The following PRKCQ variants were observed in gnomAD, a reference collection of about 807,000 sequenced individuals.
PRKCQ encodes protein kinase C theta, also known as protein kinase C theta type.
In PRKCQ, 41 loss-of-function variants were observed where a neutral mutation model predicts 91.2. The observed-to-expected ratio is 0.45, with a 90% confidence interval of 0.35 to 0.58. The LOEUF (loss-of-function observed/expected upper bound fraction) is 0.58. PRKCQ is among the 20% of genes least tolerant of loss of function. The pLI, the probability that PRKCQ is intolerant of heterozygous loss-of-function variation, is 0.00. For missense variants in PRKCQ, 673 were observed against 896.5 expected, an observed-to-expected ratio of 0.75 and a Z score of 3.18; for synonymous variants, 307 against 316.9, an observed-to-expected ratio of 0.97 and a Z score of 0.33.
At chr10:6,466,769 A>G (rs1315827014) in intron 12 of PRKCQ, among the ~76,000 whole-genome samples, 3 of 152,222 alleles carry the variant, frequency 2.0e-5, no homozygotes, top group Non-Finnish European at 4.4e-5. Flanking sequence ...ACAGCTGACT[A>G]GAACCTCTGC....
chr10:6,540,700 A>G (rs1245955351), intron 1 of PRKCQ, among the ~76,000 whole-genome samples: 1 of 152,206 alleles, frequency 6.6e-6, no homozygotes, highest in Non-Finnish European at 1.5e-5. Flanking sequence ...CACGGAGTTT[A>G]GTGTACAAGT....
chr10:6,471,179 T>C (rs1835942598), intron 12 of PRKCQ, among the ~76,000 whole-genome samples: 1 of 152,108 alleles, frequency 6.6e-6, no homozygotes, highest in Admixed American at 6.5e-5. Flanking sequence ...GCCCAGCCCC[T>C]GAACATTATC....
chr10:6,452,180 T>C (rs1356224250), intron 15 of PRKCQ, among the ~76,000 whole-genome samples: 2 of 152,174 alleles, frequency 1.3e-5, no homozygotes, highest in Non-Finnish European at 2.9e-5. Flanking sequence ...GAAAACCCCA[T>C]TGTCTCAGCC....
intron 1 of PRKCQ, among the ~76,000 whole-genome samples, chr10:6,563,876 C>T (rs1446751085): frequency 6.6e-6 from 1 of 152,222 alleles, no homozygotes; most frequent in East Asian, 1.9e-4. Context: ...TGTGTTAGTG[C>T]TGCTGAGCTG....
intron 1 of PRKCQ, among the ~76,000 whole-genome samples, chr10:6,526,653 C>G (rs608694): frequency 0.92 from 139,217 of 152,092 alleles, 64,214 homozygotes; most frequent in Non-Finnish European, 0.97. Flanking sequence ...TCTGGGAAGG[C>G]GGATGGGCTG....
intron 1 of PRKCQ, among the ~76,000 whole-genome samples, chr10:6,563,250 T>G (rs765308190): frequency 6.6e-6 from 1 of 151,848 alleles, no homozygotes; most frequent in Non-Finnish European, 1.5e-5. Flanking sequence ...GCAACCTCAC[T>G]TTGCCCAGTG....
chr10:6,438,597 CTT>C (rs796862312), intron 16 of PRKCQ, among the ~76,000 whole-genome samples: 170 of 148,572 alleles, frequency 1.1e-3, no homozygotes, highest in African/African-American at 4.1e-3. Context: ...GTGCTAGACT[CTT>C]TTTTTTTTGC....
the PRKCQ span, among the ~76,000 whole-genome samples, chr10:6,413,954 A>T: frequency 6.6e-6 from 1 of 152,246 alleles, no homozygotes; most frequent in African/African-American, 2.4e-5. Flanking sequence ...CCAAAATCTA[A>T]CAATAAATAA....
chr10:6,468,656 C>T (rs187864608), intron 12 of PRKCQ, among the ~76,000 whole-genome samples: 91 of 152,162 alleles, frequency 6.0e-4, no homozygotes, highest in African/African-American at 1.5e-3. Flanking sequence ...CTTTTTTCTC[C>T]GAAGGCTAGT....
rs773969132 is a variant in PRKCQ at position 6,511,108 on chromosome 10, C to T, written c.205G>A (p.Val69Ile). 1 of 1,614,172 alleles carries T rather than the reference C, an allele frequency of 6.2e-7. No individual in the cohort carries two copies. The highest frequency in any genetic ancestry group is 1.1e-5 in the South Asian group (1 of 91,088). Residue 69 changes from valine to isoleucine, a missense_variant, in exon 3 of 18, where the codon GTC becomes ATC. Coordinates refer to ENST00000263125, the MANE Select transcript of PRKCQ (RefSeq NM_006257.5). ...TFDAHINKGR[V>I]MQIIVKGKNV... ...TTGCCTTTCACAATGATCTGCATGA[C>T]TCTTCCCTTGTTGATATGGGCATCA...
intron 8 of PRKCQ, among the ~76,000 whole-genome samples, chr10:6,490,485 G>C (rs1331415892): frequency 6.6e-6 from 1 of 151,334 alleles, no homozygotes; most frequent in Non-Finnish European, 1.5e-5. Context: ...TAGCACTTTT[G>C]GAGGCTGAGG....
intron 1 of PRKCQ, among the ~76,000 whole-genome samples, chr10:6,532,344 T>TA (rs1839425127): frequency 6.6e-6 from 1 of 152,376 alleles, no homozygotes; most frequent in East Asian, 1.9e-4. Context: ...AGTACTTGGT[T>TA]ATGGGATACA....
At chr10:6,451,292 C>A (rs970008589) in intron 15 of PRKCQ, among the ~76,000 whole-genome samples, 9 of 151,682 alleles carry the variant, frequency 5.9e-5, no homozygotes. Context: ...GAGAATACTA[C>A]AAACACCTCT....
At chr10:6,567,829 CT>C (rs919501449) in intron 1 of PRKCQ, among the ~76,000 whole-genome samples, 74 of 152,168 alleles carry the variant, frequency 4.9e-4, no homozygotes, top group African/African-American at 1.8e-3. Context: ...GATAAACATT[CT>C]TTTTTTTGTG....
intron 1 of PRKCQ, among the ~76,000 whole-genome samples, chr10:6,519,846 T>C (rs1262307592): frequency 6.6e-6 from 1 of 152,182 alleles, no homozygotes; most frequent in Admixed American, 6.5e-5. Flanking sequence ...TCTGAATATA[T>C]CTGACTCTAT....
the PRKCQ span, among the ~76,000 whole-genome samples, chr10:6,416,318 G>A: frequency 6.6e-6 from 1 of 151,866 alleles, no homozygotes; most frequent in Non-Finnish European, 1.5e-5. Context: ...CCCATTACCT[G>A]AGCAGTGTGC....
At chr10:6,542,814 C>T (rs973434367) in intron 1 of PRKCQ, among the ~76,000 whole-genome samples, 1 of 152,238 alleles carries the variant, frequency 6.6e-6, no homozygotes, top group African/African-American at 2.4e-5. Context: ...AAGCTACCTA[C>T]ATCCTAGCTT....
intron 11 of PRKCQ, among the ~76,000 whole-genome samples, chr10:6,482,177 T>C (rs988843963): frequency 3.3e-5 from 5 of 152,194 alleles, no homozygotes; most frequent in African/African-American, 1.2e-4. Context: ...GTGTCTATAC[T>C]GAAGTTCCAA....
intron 1 of PRKCQ, among the ~76,000 whole-genome samples, chr10:6,547,940 C>T (rs1286835680): frequency 1.7e-4 from 25 of 149,860 alleles, no homozygotes; most frequent in African/African-American, 2.7e-4. Context: ...TCAGAGTGAA[C>T]AGGCAACCTA....
Sources: gnomAD v4.1 joint callset for allele counts (sites outside exome capture counted in the v4.1 genomes callset) on GRCh38, gnomAD v4.1.1 for gene constraint, MANE v1.5 for transcripts, NCBI Gene and HGNC (gene_info 2026-07-23, HGNC 2026-07-21) for gene names.